The following DLGAP2 variants were observed in gnomAD, a reference collection of about 807,000 sequenced individuals.
The protein encoded by DLGAP2 is DLG associated protein 2.
In DLGAP2, 26 loss-of-function variants were observed where a neutral mutation model predicts 100.3. The ratio of observed to expected loss-of-function variants is 0.26; its 90% CI spans 0.19 to 0.36. The LOEUF is 0.36. Ranked by LOEUF, DLGAP2 falls within the 10% of genes least tolerant of loss-of-function variation. DLGAP2 has a pLI of 1.00. For missense variants in DLGAP2, 1,858 were observed against 1,453.2 expected (o/e 1.28, Z -4.53); for synonymous variants, 886 against 630.1 (o/e 1.41, Z -6.08).
intron 2 of DLGAP2, among the ~76,000 whole-genome samples, chr8:1,234,265 G>A (rs75477361): frequency 5.4e-4 from 82 of 152,300 alleles, no homozygotes; most frequent in African/African-American, 1.9e-3. Context: ...AGGAATGCAC[G>A]TCTCACCGCT....
intron 2 of DLGAP2, among the ~76,000 whole-genome samples, chr8:1,242,281 G>A (rs1798813471): frequency 6.6e-6 from 1 of 152,166 alleles, no homozygotes. Flanking sequence ...TTGGTTGTCA[G>A]ACATATGAGA....
intron 1 of DLGAP2, among the ~76,000 whole-genome samples, chr8:766,074 G>A (rs1821207987): frequency 6.6e-6 from 1 of 152,176 alleles, no homozygotes; most frequent in Non-Finnish European, 1.5e-5. Context: ...GGCTGAGGCA[G>A]GAGAATTGCT....
chr8:912,689 G>A (rs367621727), intron 2 of DLGAP2, among the ~76,000 whole-genome samples: 1 of 149,288 alleles, frequency 6.7e-6, no homozygotes, highest in Non-Finnish European at 1.5e-5. Context: ...GCTGACCCCC[G>A]CACCGTGGTG....
chr8:878,252 A>AT (rs1366115931), intron 1 of DLGAP2, among the ~76,000 whole-genome samples: 1 of 152,128 alleles, frequency 6.6e-6, no homozygotes, highest in Non-Finnish European at 1.5e-5. Context: ...ATAGAAACAA[A>AT]TTCTTTTAGG....
In DLGAP2 at chr8:1,116,192, G is replaced by A. The variant is rs7828153; in HGVS notation, c.74-142659G>A. 7.2e-3 allele frequency among the ~76,000 whole-genome samples: 1,091 copies of A among 152,308 alleles called. 13 individuals carry two copies. The highest frequency in any genetic ancestry group is 0.025 in the African/African-American group (1,045 of 41,558). On this transcript the variant is annotated intron_variant, in intron 2 of 14. Transcript: ENST00000637795. ...GCGTCAGCTGGGGACACCCGCACTG[G>A]CCTTCCGTGTGAGAAGGGAGCAGGC...
At chr8:1,056,223 T>C (rs1802879342) in intron 2 of DLGAP2, among the ~76,000 whole-genome samples, 1 of 152,336 alleles carries the variant, frequency 6.6e-6, no homozygotes, top group African/African-American at 2.4e-5. Flanking sequence ...GTTGAGTGTG[T>C]TGTGTGGCAT....
intron 2 of DLGAP2, among the ~76,000 whole-genome samples, chr8:1,243,571 A>G (rs1462855959): frequency 6.6e-6 from 1 of 152,116 alleles, no homozygotes; most frequent in Non-Finnish European, 1.5e-5. Context: ...GATATATTAC[A>G]AAATTCTTTA....
At chr8:908,879 C>T (rs916791566) in intron 2 of DLGAP2, among the ~76,000 whole-genome samples, 4 of 152,108 alleles carry the variant, frequency 2.6e-5, no homozygotes, top group African/African-American at 9.7e-5. Flanking sequence ...TGTTTTCTAG[C>T]TATAACAAGG....
At chr8:1,355,114 C>T (rs1027241908) in intron 3 of DLGAP2, among the ~76,000 whole-genome samples, 18 of 152,180 alleles carry the variant, frequency 1.2e-4, no homozygotes, top group African/African-American at 3.1e-4. Context: ...TGGAAAGTCA[C>T]GGAAATGTGC....
intron 6 of DLGAP2, among the ~76,000 whole-genome samples, chr8:1,602,265 T>A (rs1174282856): frequency 6.6e-6 from 1 of 152,226 alleles, no homozygotes; most frequent in Non-Finnish European, 1.5e-5. Flanking sequence ...TATTTCTAAT[T>A]AATGACATTC....
At position 1,335,640 on chromosome 8, in the gene DLGAP2, G is replaced by A. The variant is rs143243054; in HGVS notation, c.106+76757G>A. 6.7e-4 allele frequency among the ~76,000 whole-genome samples: 102 copies of A among 152,262 alleles called. 3 individuals carry two copies. In the East Asian group the frequency reaches 0.018, roughly 27 times the overall value. On this transcript the variant is annotated intron_variant, in intron 3 of 14. Transcript: ENST00000637795. ...AAGCTTTGGACTGGTCATGACGTATGAGTAGGAGTTTGATGGATGGAGGAA... is the reference window on the plus strand; with the variant it reads ...AAGCTTTGGACTGGTCATGACGTATAAGTAGGAGTTTGATGGATGGAGGAA...
chr8:743,370 C>T (rs1406129746), intron 1 of DLGAP2, among the ~76,000 whole-genome samples: 2 of 152,134 alleles, frequency 1.3e-5, no homozygotes, highest in African/African-American at 4.8e-5. Flanking sequence ...GATAAATTTT[C>T]TCTGGCACTA....
At chr8:823,782 G>T (rs34796791) in intron 1 of DLGAP2, among the ~76,000 whole-genome samples, 16,128 of 152,246 alleles carry the variant, frequency 0.11, 1,426 homozygotes, top group East Asian at 0.52. Context: ...GCTGTCAGAA[G>T]TGCAGGGAGG....
At chr8:1,579,073 A>T (rs957768522) in intron 6 of DLGAP2, among the ~76,000 whole-genome samples, 1 of 152,232 alleles carries the variant, frequency 6.6e-6, no homozygotes, top group Non-Finnish European at 1.5e-5. Context: ...AACTAATTCA[A>T]TTCTGATTGT....
intron 2 of DLGAP2, among the ~76,000 whole-genome samples, chr8:1,046,142 A>G (rs1802508511): frequency 6.6e-6 from 1 of 152,248 alleles, no homozygotes; most frequent in Non-Finnish European, 1.5e-5. Context: ...AAAGTCAGGC[A>G]GTTATTAGCA....
At chr8:1,530,121 A>C (rs1584895717) in intron 4 of DLGAP2, among the ~76,000 whole-genome samples, 1 of 152,176 alleles carries the variant, frequency 6.6e-6, no homozygotes, top group African/African-American at 2.4e-5. Context: ...CGGTCTGATC[A>C]AAATTTATTT....
chr8:1,029,481 G>A (rs1376597254), intron 2 of DLGAP2, among the ~76,000 whole-genome samples: 1 of 152,178 alleles, frequency 6.6e-6, no homozygotes, highest in Non-Finnish European at 1.5e-5. Context: ...AGTGCTGAGA[G>A]GTTCTGGGGG....
At chr8:755,374 A>C (rs368775490) in intron 1 of DLGAP2, among the ~76,000 whole-genome samples, 2 of 152,086 alleles carry the variant, frequency 1.3e-5, no homozygotes, top group Non-Finnish European at 2.9e-5. Flanking sequence ...TGGGAGGAAC[A>C]CTTGAACACA....
intron 5 of DLGAP2, among the ~76,000 whole-genome samples, chr8:1,560,798 G>C (rs1419866397): frequency 6.6e-6 from 1 of 152,188 alleles, no homozygotes; most frequent in Non-Finnish European, 1.5e-5. Context: ...ACAAAACATT[G>C]GCAAATGTAC....
Sources: allele counts gnomAD v4.1 joint callset (sites outside exome capture counted in the v4.1 genomes callset), GRCh38; gene constraint gnomAD v4.1.1; transcripts MANE v1.5; gene names NCBI Gene and HGNC (gene_info 2026-07-23, HGNC 2026-07-21).